The following RBFOX3 variants were observed in gnomAD, a reference collection of about 807,000 sequenced individuals.
The protein encoded by RBFOX3 is RNA binding protein fox-1 homolog 3.
Under a neutral mutation model 48.7 loss-of-function variants are expected in RBFOX3, and 17 were observed. The observed-to-expected ratio is 0.35, with a 90% confidence interval of 0.24 to 0.52. The LOEUF (loss-of-function observed/expected upper bound fraction) is 0.52. Ranked by LOEUF, RBFOX3 falls within the 20% of genes least tolerant of loss-of-function variation. The probability of loss-of-function intolerance (pLI) is 0.94; values close to 1 mark genes in which losing one functional copy is unlikely to be tolerated. For synonymous variants in RBFOX3, 212 were observed against 209.5 expected (o/e 1.01, Z -0.10); for missense variants, 382 against 497.5 (o/e 0.77, Z 2.21).
At chr17:79,399,824 C>T (rs567983618) in intron 2 of RBFOX3, among the ~76,000 whole-genome samples, 77 of 152,296 alleles carry the variant, frequency 5.1e-4, no homozygotes, top group African/African-American at 1.7e-3. Flanking sequence ...CAAGCGTGAA[C>T]GCGCCGCTGG....
chr17:79,257,590 T>TC (rs2065087130), intron 3 of RBFOX3, among the ~76,000 whole-genome samples: 1 of 151,906 alleles, frequency 6.6e-6, no homozygotes, highest in East Asian at 1.9e-4. Flanking sequence ...GCTTTTTTTT[T>TC]CCCCCTCTGA....
chr17:79,462,489 G>T (rs920107385), intron 2 of RBFOX3, among the ~76,000 whole-genome samples: 18 of 152,198 alleles, frequency 1.2e-4, no homozygotes, highest in Non-Finnish European at 1.3e-4. Flanking sequence ...AGTCACTCAA[G>T]AATAAATTAA....
chr17:79,124,501 C>T (rs188581514), intron 4 of RBFOX3, among the ~76,000 whole-genome samples: 153 of 152,326 alleles, frequency 1.0e-3, no homozygotes, highest in Middle Eastern at 6.8e-3. Context: ...TTTCTGGTAC[C>T]ACAGGGAACT....
rs181425285 is a variant in RBFOX3, at chr17:79,129,185, G to A, written c.-33-13437C>T. On this transcript the variant is annotated intron_variant, in intron 4 of 14. Transcript: ENST00000693108. ...TGACGGACGGTGGCTGAAGGCTTACGAATGCCCAGCACTGGGTGAAGCACT... is the reference window on the plus strand; with the variant it reads ...TGACGGACGGTGGCTGAAGGCTTACAAATGCCCAGCACTGGGTGAAGCACT... 1.1e-4 allele frequency among the ~76,000 whole-genome samples: 16 copies of A among 150,392 alleles called. No homozygotes were observed. In the East Asian group the frequency reaches 1.3e-3, roughly 13 times the overall value.
At chr17:79,550,331 G>A (rs1339420835) in intron 1 of RBFOX3, among the ~76,000 whole-genome samples, 1 of 152,156 alleles carries the variant, frequency 6.6e-6, no homozygotes, top group Non-Finnish European at 1.5e-5. Context: ...GCTCAGGCAG[G>A]AGAAATCATG....
chr17:79,281,629 A>C (rs1312096334), intron 3 of RBFOX3, among the ~76,000 whole-genome samples: 1 of 152,230 alleles, frequency 6.6e-6, no homozygotes, highest in Non-Finnish European at 1.5e-5. Flanking sequence ...ATATTTTATC[A>C]GCACTCACAT....
chr17:79,428,657 G>C (rs539088803), intron 2 of RBFOX3, among the ~76,000 whole-genome samples: 1 of 152,120 alleles, frequency 6.6e-6, no homozygotes, highest in Non-Finnish European at 1.5e-5. Flanking sequence ...AGACGCCCAC[G>C]TCCACACCCC....
At chr17:79,158,102 G>C (rs1368734901) in intron 4 of RBFOX3, among the ~76,000 whole-genome samples, 2 of 150,616 alleles carry the variant, frequency 1.3e-5, no homozygotes, top group Non-Finnish European at 3.0e-5. Context: ...CTTACAAGAA[G>C]AGGCGATTAG....
At chr17:79,360,618 C>A (rs2086149882) in intron 2 of RBFOX3, among the ~76,000 whole-genome samples, 1 of 152,102 alleles carries the variant, frequency 6.6e-6, no homozygotes, top group South Asian at 2.1e-4. Flanking sequence ...GACTCAAAAC[C>A]CCTATTACAA....
intron 2 of RBFOX3, among the ~76,000 whole-genome samples, chr17:79,332,068 G>A (rs541917590): frequency 1.2e-4 from 18 of 152,282 alleles, no homozygotes; most frequent in Non-Finnish European, 1.6e-4. Flanking sequence ...CAGGGCTCCC[G>A]GCAGGTCTGC....
At chr17:79,293,825 C>T (rs776966815) in intron 3 of RBFOX3, among the ~76,000 whole-genome samples, 7 of 152,114 alleles carry the variant, frequency 4.6e-5, no homozygotes, top group African/African-American at 1.4e-4. Flanking sequence ...CCTGTAGCAG[C>T]GGCAAGGTCC....
intron 1 of RBFOX3, among the ~76,000 whole-genome samples, chr17:79,605,147 C>T (rs1360136615): frequency 2.0e-5 from 3 of 151,970 alleles, no homozygotes; most frequent in Non-Finnish European, 4.4e-5. Flanking sequence ...TATTGGTGGC[C>T]CTGCAGAAGA....
intron 4 of RBFOX3, among the ~76,000 whole-genome samples, chr17:79,142,855 G>T (rs1013672349): frequency 6.6e-6 from 1 of 152,162 alleles, no homozygotes; most frequent in African/African-American, 2.4e-5. Flanking sequence ...GTTCAAGGAT[G>T]GGGGGAGAAC....
chr17:79,269,853 C>T (rs1567951013), intron 3 of RBFOX3, among the ~76,000 whole-genome samples: 1 of 152,140 alleles, frequency 6.6e-6, no homozygotes. Flanking sequence ...CCACCACTGC[C>T]CTCATCCACC....
Position 79,443,701 on chromosome 17 carries a change from G to A in RBFOX3, c.-175+38753C>T, listed in dbSNP as rs1031064470. On this transcript the variant is annotated intron_variant, in intron 2 of 14. Coordinates refer to ENST00000693108, the MANE Select transcript of RBFOX3 (RefSeq NM_001350451.2). The surrounding 1 kb of genome is among the most constrained non-coding windows in gnomAD (Gnocchi z 4.4). ...CCCTCTTGTTCACTGTCTCACATGT[G>A]CACACACTCGTTCTCACATGCTCAC... 6.6e-6 allele frequency among the ~76,000 whole-genome samples: 1 copy of A among 152,182 alleles called. No individual in the cohort carries two copies. Among genetic ancestry groups the A allele is most frequent in the South Asian group, 2.1e-4 (1 of 4,826 alleles).
At chr17:79,366,618 A>G (rs114223132) in intron 2 of RBFOX3, among the ~76,000 whole-genome samples, 2,472 of 152,248 alleles carry the variant, frequency 0.016, 67 homozygotes, top group African/African-American at 0.057. Context: ...TGACCCTTCC[A>G]TCGTGCACAG....
intron 3 of RBFOX3, among the ~76,000 whole-genome samples, chr17:79,282,161 A>G (rs898350436): frequency 1.3e-5 from 2 of 152,162 alleles, no homozygotes; most frequent in African/African-American, 4.8e-5. Context: ...GCTTGGCAGC[A>G]CCACGGGATG....
chr17:79,267,088 G>A (rs1365162407), intron 3 of RBFOX3, among the ~76,000 whole-genome samples: 1 of 152,144 alleles, frequency 6.6e-6, no homozygotes. Context: ...TCTTGTGGGG[G>A]ACTTTGCCCT....
chr17:79,648,031 TG>T, the RBFOX3 span, among the ~76,000 whole-genome samples: 3 of 151,812 alleles, frequency 2.0e-5, no homozygotes, highest in Admixed American at 6.6e-5. Context: ...CAGAGCCTCC[TG>T]GGGGTCCAGC....
Sources: gnomAD v4.1 joint callset for allele counts (sites outside exome capture counted in the v4.1 genomes callset) on GRCh38, gnomAD v4.1.1 for gene constraint, Gnocchi (gnomAD v3.1) non-coding constraint, MANE v1.5 for transcripts, NCBI Gene and HGNC (gene_info 2026-07-23, HGNC 2026-07-21) for gene names.